Variants in ARHGEF7 observed in about 807,000 individuals in gnomAD.
The protein encoded by ARHGEF7 is PAK-interacting exchange factor beta.
Under a neutral mutation model 109.8 loss-of-function variants are expected in ARHGEF7, and 33 were observed. That is an observed-to-expected ratio of 0.30 (90% CI 0.23 to 0.40). ARHGEF7 has a LOEUF of 0.40. Ranked by LOEUF, ARHGEF7 falls within the 10% of genes least tolerant of loss-of-function variation. The pLI is 1.00. For missense variants in ARHGEF7, 938 were observed against 1,098.5 expected (o/e 0.85, Z 2.07); for synonymous variants, 458 against 424.6 (o/e 1.08, Z -0.97).
chr13:111,183,608 A>T (rs890948107), intron 2 of ARHGEF7, among the ~76,000 whole-genome samples: 1 of 152,180 alleles, frequency 6.6e-6, no homozygotes, highest in Non-Finnish European at 1.5e-5. Flanking sequence ...TTGTCATTTT[A>T]TCAATTATTA....
intron 2 of ARHGEF7, among the ~76,000 whole-genome samples, chr13:111,176,509 C>A (rs996410020): frequency 1.3e-5 from 2 of 152,210 alleles, no homozygotes; most frequent in Non-Finnish European, 2.9e-5. Context: ...TCTCCTTTCT[C>A]TTCACTGTGT....
intron 1 of ARHGEF7, among the ~76,000 whole-genome samples, chr13:111,147,645 G>A (rs1595025480): frequency 6.7e-6 from 1 of 148,656 alleles, no homozygotes; most frequent in East Asian, 2.0e-4. Context: ...ACACCTTTGA[G>A]ATGCAGTTCC....
intron 8 of ARHGEF7, among the ~76,000 whole-genome samples, chr13:111,244,897 C>T (rs2088511384): frequency 6.6e-6 from 1 of 152,194 alleles, no homozygotes; most frequent in African/African-American, 2.4e-5. Context: ...CAGGATTTGA[C>T]AAACTCTTGG....
At chr13:111,195,064 C>A (rs1440318675) in intron 2 of ARHGEF7, among the ~76,000 whole-genome samples, 1 of 152,180 alleles carries the variant, frequency 6.6e-6, no homozygotes, top group Non-Finnish European at 1.5e-5. Context: ...GCTGCATTTC[C>A]TTACTAAGCC....
chr13:111,117,434 AGCTGTTTTT>A (rs2066871748), intron 1 of ARHGEF7, among the ~76,000 whole-genome samples: 1 of 152,178 alleles, frequency 6.6e-6, no homozygotes. Flanking sequence ...CTTAGGTCAG[AGCTGTTTTT>A]GATTCCCCCT....
At chr13:111,257,220 ATCC>A (rs1329344533) in intron 8 of ARHGEF7, among the ~76,000 whole-genome samples, 2 of 152,250 alleles carry the variant, frequency 1.3e-5, no homozygotes, top group Middle Eastern at 3.4e-3. Context: ...ATCCTACTTA[ATCC>A]TTCAGTCCCA....
At chr13:111,236,644 G>C (rs1165098346) in intron 6 of ARHGEF7, among the ~76,000 whole-genome samples, 1 of 152,042 alleles carries the variant, frequency 6.6e-6, no homozygotes, top group African/African-American at 2.4e-5. Flanking sequence ...TTAGTATTCA[G>C]CCAAAGATTC....
intron 19 of ARHGEF7, among the ~76,000 whole-genome samples, chr13:111,297,592 G>T (rs2093455437): frequency 6.6e-6 from 1 of 152,196 alleles, no homozygotes; most frequent in Non-Finnish European, 1.5e-5. Flanking sequence ...CAGCTCCAGA[G>T]AATTAGTTTT....
intron 1 of ARHGEF7, among the ~76,000 whole-genome samples, chr13:111,136,191 G>A (rs938465851): frequency 2.0e-5 from 3 of 151,998 alleles, no homozygotes; most frequent in Admixed American, 1.3e-4. Flanking sequence ...TCCTGGATTC[G>A]GTTTGCCAGT....
intron 2 of ARHGEF7, chr13:111,203,109 A>T: frequency 7.8e-7 from 1 of 1,281,128 alleles, no homozygotes; most frequent in Non-Finnish European, 1.0e-6. Context: ...CTGCCTTGCC[A>T]CTATGAAGGT....
chr13:111,248,693 G>C (rs748830917), intron 8 of ARHGEF7, among the ~76,000 whole-genome samples: 2 of 151,954 alleles, frequency 1.3e-5, no homozygotes, highest in East Asian at 1.9e-4. Context: ...AATTTGTTTC[G>C]CTTAAAAAAA....
chr13:111,163,983 T>C (rs77437887), intron 2 of ARHGEF7, among the ~76,000 whole-genome samples: 1,668 of 152,308 alleles, frequency 0.011, 32 homozygotes, highest in African/African-American at 0.038. Flanking sequence ...CCACAGCACA[T>C]CTCGGTTTGT....
chr13:111,286,758 C>A (rs757421086), intron 17 of ARHGEF7, among the ~76,000 whole-genome samples: 3 of 152,192 alleles, frequency 2.0e-5, no homozygotes, highest in Non-Finnish European at 4.4e-5. Context: ...GCAGCAAGCA[C>A]CTGGCACCTG....
intron 1 of ARHGEF7, among the ~76,000 whole-genome samples, chr13:111,135,484 G>A (rs1272909299): frequency 1.3e-5 from 2 of 152,130 alleles, no homozygotes; most frequent in African/African-American, 4.8e-5. Flanking sequence ...GTTGAGCAGT[G>A]GTTTGTAGTT....
chr13:111,145,073 G>A lies in ARHGEF7; in HGVS notation c.166-8832G>A, dbSNP rs190409207. ...AACACAAAAGGTAGATATTATCCACGGTGTTCCCCACGTTCCCTACCACAC... is the reference window on the plus strand; with the variant it reads ...AACACAAAAGGTAGATATTATCCACAGTGTTCCCCACGTTCCCTACCACAC... On this transcript the variant is annotated intron_variant, in intron 1 of 21. Transcript: ENST00000646102. The surrounding 1 kb of genome is among the most constrained non-coding windows in gnomAD (Gnocchi z 4.3). 3.1e-4 allele frequency among the ~76,000 whole-genome samples: 47 copies of A among 151,620 alleles called. 1 individual carries two copies. Among genetic ancestry groups the A allele is most frequent in the African/African-American group, 1.0e-3 (43 of 41,298 alleles).
intron 15 of ARHGEF7, 50 bp downstream of exon 15, chr13:111,280,727 G>T (rs370646651): frequency 1.4e-6 from 2 of 1,438,698 alleles, no homozygotes; most frequent in Admixed American, 5.3e-5. Flanking sequence ...GTGGCATCCC[G>T]TGGCTGAGCT....
At chr13:111,158,709 T>G (rs1438604151) in intron 2 of ARHGEF7, among the ~76,000 whole-genome samples, 1 of 152,210 alleles carries the variant, frequency 6.6e-6, no homozygotes, top group Non-Finnish European at 1.5e-5. Context: ...CATATCCAGT[T>G]TCTTTTCTTT....
chr13:111,133,803 ATATATAT>A lies in ARHGEF7; in HGVS notation c.165+18113_165+18119del, dbSNP rs1566606990. On this transcript the variant is annotated intron_variant, in intron 1 of 21. Coordinates refer to ENST00000646102, the MANE Select transcript of ARHGEF7 (RefSeq NM_001354046.2). ...TATATATATATATATATATATATAT[ATATATAT>A]ATATTTATTATACTTTAAGTTCTAG... 2.2e-4 allele frequency among the ~76,000 whole-genome samples: 7 copies of A among 31,838 alleles called. 1 individual carries two copies. The highest frequency in any genetic ancestry group is 7.0e-4 in the African/African-American group (7 of 10,012). 20.9% of individuals were successfully genotyped at this position (31,838 alleles called of 152,430 possible).
chr13:111,237,163 C>T (rs1595049109), intron 6 of ARHGEF7, among the ~76,000 whole-genome samples: 2 of 152,214 alleles, frequency 1.3e-5, no homozygotes, highest in South Asian at 4.2e-4. Context: ...TTGCCTCAAA[C>T]AGTATAAGCC....
Sources: allele counts gnomAD v4.1 joint callset (sites outside exome capture counted in the v4.1 genomes callset), GRCh38; gene constraint gnomAD v4.1.1; non-coding constraint Gnocchi (gnomAD v3.1); transcripts MANE v1.5; gene names NCBI Gene and HGNC (gene_info 2026-07-23, HGNC 2026-07-21).